The following FRYL variants were observed in gnomAD, a reference collection of about 807,000 sequenced individuals.
The protein encoded by FRYL is FRY like transcription coactivator.
A neutral mutation model predicts 351.2 loss-of-function variants in FRYL; 150 were observed. The ratio of observed to expected loss-of-function variants is 0.43; its 90% confidence interval spans 0.37 to 0.49. The LOEUF is 0.49. Among genes scored for constraint, FRYL ranks in the 20% least tolerant of loss-of-function variants. FRYL has a pLI of 0.00. For synonymous variants in FRYL, 1,153 were observed against 1,257.1 expected (o/e 0.92, Z 1.75); for missense variants, 3,036 against 3,619.3 (o/e 0.84, Z 4.13).
intron 55 of FRYL, among the ~76,000 whole-genome samples, chr4:48,517,739 A>C (rs1339897306): frequency 1.3e-5 from 2 of 152,350 alleles, no homozygotes; most frequent in East Asian, 3.9e-4. Flanking sequence ...AAAGTTTGTC[A>C]TGACAGAAGA....
chr4:48,675,859 C>T (rs1763576879), intron 3 of FRYL, among the ~76,000 whole-genome samples: 1 of 152,170 alleles, frequency 6.6e-6, no homozygotes, highest in African/African-American at 2.4e-5. Context: ...GTTGTAAATA[C>T]ACCAATCAGC....
chr4:48,667,883 G>A (rs1447605100), intron 3 of FRYL, among the ~76,000 whole-genome samples: 1 of 152,182 alleles, frequency 6.6e-6, no homozygotes, highest in Non-Finnish European at 1.5e-5. Flanking sequence ...CCTGGCCTCA[G>A]GTGATCCACC....
intron 32 of FRYL, 104 bp downstream of exon 32, chr4:48,562,785 A>G: frequency 1.5e-6 from 1 of 673,638 alleles, no homozygotes; most frequent in East Asian, 2.7e-5. Context: ...TTTACTATAA[A>G]TAAAGCTAAA....
intron 16 of FRYL, among the ~76,000 whole-genome samples, chr4:48,591,421 T>C (rs1451021325): frequency 6.6e-6 from 1 of 152,196 alleles, no homozygotes; most frequent in Non-Finnish European, 1.5e-5. Flanking sequence ...ACTGCTATCT[T>C]AATGGAAGAA....
intron 3 of FRYL, among the ~76,000 whole-genome samples, chr4:48,666,116 C>A (rs1327886867): frequency 6.6e-6 from 1 of 152,202 alleles, no homozygotes; most frequent in Non-Finnish European, 1.5e-5. Flanking sequence ...AATTCCAGCA[C>A]TTTGAGAGGC....
chr4:48,753,764 C>G (rs1329362394), intron 1 of FRYL, among the ~76,000 whole-genome samples: 1 of 152,022 alleles, frequency 6.6e-6, no homozygotes, highest in Non-Finnish European at 1.5e-5. Flanking sequence ...ATAATTTTAA[C>G]TTTCTCATTT....
chr4:48,565,056 A>C lies in FRYL; in HGVS notation c.3331-13T>G. 7.0e-7 allele frequency: 1 copy of C among 1,418,610 alleles called. No individual in the cohort carries two copies. 87.9% of individuals were successfully genotyped at this position (1,418,610 alleles called of 1,614,324 possible). On this transcript the variant is annotated splice_polypyrimidine_tract_variant and intron_variant, in intron 29 of 63. Transcript: ENST00000358350. ...CAGCAGACATAGCCTTCAAATAATAATATTAGAATTACATTTAACAAATTT... is the reference window on the plus strand; with the variant it reads ...CAGCAGACATAGCCTTCAAATAATACTATTAGAATTACATTTAACAAATTT...
chr4:48,595,781 T>C, intron 14 of FRYL, 83 bp from the exon 15 acceptor site: 1 of 1,101,820 alleles, frequency 9.1e-7, no homozygotes, highest in Non-Finnish European at 1.3e-6. Flanking sequence ...CTTCATAATA[T>C]ATTGACAGAA....
chr4:48,541,033 A>T (rs1730031022), intron 45 of FRYL, 73 bp from the exon 46 acceptor site: 12 of 1,377,148 alleles, frequency 8.7e-6, no homozygotes, highest in African/African-American at 1.5e-5. Flanking sequence ...ACTTCTGAAA[A>T]CACTGAAAAA....
intron 1 of FRYL, among the ~76,000 whole-genome samples, chr4:48,747,919 C>T (rs186361552): frequency 3.9e-5 from 6 of 152,246 alleles, no homozygotes; most frequent in Admixed American, 2.6e-4. Context: ...AAGAATGTTG[C>T]GAGCCCTGTG....
chr4:48,624,316 T>G (rs1478561641), intron 4 of FRYL, among the ~76,000 whole-genome samples: 5 of 152,074 alleles, frequency 3.3e-5, no homozygotes, highest in Non-Finnish European at 7.4e-5. Context: ...AAGTAATATC[T>G]ACAAAACACA....
At chr4:48,589,723 A>G (rs369328813) in intron 18 of FRYL, 22 bp downstream of exon 18, 1 of 1,608,932 alleles carries the variant, frequency 6.2e-7, no homozygotes, top group African/African-American at 1.3e-5. Context: ...ATAGCAATGA[A>G]GGCACATAAT....
At chr4:48,565,751 A>G in intron 28 of FRYL, 60 bp from the exon 29 acceptor site, 1 of 1,495,746 alleles carries the variant, frequency 6.7e-7, no homozygotes, top group South Asian at 1.2e-5. Context: ...TAACTTTTAT[A>G]CCAACATGTT....
chr4:48,723,332 A>G (rs1476202090), intron 1 of FRYL, among the ~76,000 whole-genome samples: 1 of 151,878 alleles, frequency 6.6e-6, no homozygotes, highest in Non-Finnish European at 1.5e-5. Context: ...TAGTAGAGAC[A>G]GAGTCTCACC....
At chr4:48,764,342 C>A (rs1377562909) in intron 1 of FRYL, among the ~76,000 whole-genome samples, 1 of 140,440 alleles carries the variant, frequency 7.1e-6, no homozygotes, top group African/African-American at 2.7e-5. Flanking sequence ...CAGCCCGGTG[C>A]AACAAAGTGA....
At chr4:48,677,194 A>C (rs548587980) in intron 3 of FRYL, among the ~76,000 whole-genome samples, 11 of 152,358 alleles carry the variant, frequency 7.2e-5, no homozygotes, top group African/African-American at 2.2e-4. Flanking sequence ...TCAATAGCAA[A>C]GAATCTTTAA....
At chr4:48,541,621 T>C (rs552076672) in intron 45 of FRYL, among the ~76,000 whole-genome samples, 2 of 152,198 alleles carry the variant, frequency 1.3e-5, no homozygotes, top group East Asian at 3.9e-4. Context: ...GAAGTGACAT[T>C]TGGGATGGGA....
intron 26 of FRYL, chr4:48,572,088 G>A (rs1738454279): frequency 5.9e-6 from 4 of 683,264 alleles, no homozygotes; most frequent in African/African-American, 3.9e-5. Context: ...ATGTTTCAAA[G>A]TCCCTAAACT....
At chr4:48,627,174 T>C (rs982077860) in intron 4 of FRYL, among the ~76,000 whole-genome samples, 2 of 152,210 alleles carry the variant, frequency 1.3e-5, no homozygotes, top group African/African-American at 4.8e-5. Flanking sequence ...AGTGACTATA[T>C]TGAAAAATCT....
Sources: gnomAD v4.1 joint callset for allele counts (sites outside exome capture counted in the v4.1 genomes callset) on GRCh38, gnomAD v4.1.1 for gene constraint, MANE v1.5 for transcripts, NCBI Gene and HGNC (gene_info 2026-07-23, HGNC 2026-07-21) for gene names.